Variants in GALNT7 observed in about 807,000 individuals in gnomAD.
The protein encoded by GALNT7 is polypeptide N-acetylgalactosaminyltransferase 7, also known as N-acetylgalactosaminyltransferase 7.
In GALNT7, 60 loss-of-function variants were observed where a neutral mutation model predicts 82.1. The ratio of observed to expected loss-of-function variants is 0.73; its 90% confidence interval spans 0.59 to 0.91. The LOEUF (loss-of-function observed/expected upper bound fraction) is 0.91. GALNT7 is among the 40% of genes least tolerant of loss of function. The pLI, the probability that GALNT7 is intolerant of heterozygous loss-of-function variation, is 0.00. For missense variants in GALNT7, 660 were observed against 804.2 expected (o/e 0.82, Z 2.17); for synonymous variants, 243 against 275.1 (o/e 0.88, Z 1.15).
rs529354258 is a variant in GALNT7, at chr4:173,192,630, G to T, written c.126+23669G>T. Among the ~76,000 whole-genome samples the T allele has an allele frequency of 3.9e-5, 6 of 152,316 alleles. No homozygotes were observed. In the South Asian group the frequency reaches 8.3e-4, roughly 21 times the overall value. On this transcript the variant is annotated intron_variant, in intron 1 of 11. Coordinates refer to ENST00000265000, the MANE Select transcript of GALNT7 (RefSeq NM_017423.3). Reference sequence around the variant, plus strand: ...ATTATCATCGTTGCCTTGAAAGGCTGTAGAAGTAAATTATTGGGAAACCAT... The same window carrying T: ...ATTATCATCGTTGCCTTGAAAGGCTTTAGAAGTAAATTATTGGGAAACCAT...
chr4:173,244,108 C>G (rs1449723572), intron 1 of GALNT7, among the ~76,000 whole-genome samples: 2 of 152,214 alleles, frequency 1.3e-5, no homozygotes, highest in African/African-American at 2.4e-5. Context: ...TACATGGTTA[C>G]TGGAACACAG....
chr4:173,228,405 A>C (rs1733909017), intron 1 of GALNT7, among the ~76,000 whole-genome samples: 1 of 151,598 alleles, frequency 6.6e-6, no homozygotes, highest in Non-Finnish European at 1.5e-5. Context: ...TTATATATAA[A>C]GATTTTCTAC....
At chr4:173,205,622 G>A (rs538894201) in intron 1 of GALNT7, among the ~76,000 whole-genome samples, 1 of 152,250 alleles carries the variant, frequency 6.6e-6, no homozygotes, top group Non-Finnish European at 1.5e-5. Flanking sequence ...CTCAGACCCA[G>A]TCCAATGACA....
chr4:173,216,728 T>TA (rs374031950), intron 1 of GALNT7, among the ~76,000 whole-genome samples: 43 of 8,028 alleles, frequency 5.4e-3, no homozygotes, highest in African/African-American at 0.01. Context: ...TATATATATA[T>TA]TTTTTTTTTT....
intron 2 of GALNT7, among the ~76,000 whole-genome samples, chr4:173,268,930 G>A (rs1372645694): frequency 2.0e-5 from 3 of 152,068 alleles, no homozygotes; most frequent in Non-Finnish European, 4.4e-5. Flanking sequence ...ATTTGTGGAC[G>A]TAGAATCCAC....
At chr4:173,195,092 A>T (rs1732736944) in intron 1 of GALNT7, among the ~76,000 whole-genome samples, 1 of 152,164 alleles carries the variant, frequency 6.6e-6, no homozygotes, top group African/African-American at 2.4e-5. Flanking sequence ...TTATAAAGCC[A>T]TTTGTTTCCT....
intron 8 of GALNT7, among the ~76,000 whole-genome samples, chr4:173,313,272 T>A (rs779002582): frequency 6.6e-6 from 1 of 151,794 alleles, no homozygotes; most frequent in African/African-American, 2.4e-5. Context: ...ACGATTCTAA[T>A]AGAAAGAGAT....
intron 2 of GALNT7, among the ~76,000 whole-genome samples, chr4:173,286,999 GGA>G (rs954035498): frequency 6.6e-6 from 1 of 152,166 alleles, no homozygotes; most frequent in Non-Finnish European, 1.5e-5. Context: ...GGGGGACAGA[GGA>G]GAGTGTTATT....
chr4:173,265,049 C>T (rs1156361306), intron 2 of GALNT7, among the ~76,000 whole-genome samples: 5 of 152,230 alleles, frequency 3.3e-5, no homozygotes, highest in Non-Finnish European at 5.9e-5. Flanking sequence ...ACTTGCGCTT[C>T]ATGTACAAGC....
At chr4:173,185,297 A>G (rs1048529887) in intron 1 of GALNT7, among the ~76,000 whole-genome samples, 4 of 152,170 alleles carry the variant, frequency 2.6e-5, no homozygotes, top group African/African-American at 9.7e-5. Context: ...AGCAGCATGG[A>G]CAGCCCATGT....
At chr4:173,300,323 A>G (rs1736875087) in intron 6 of GALNT7, among the ~76,000 whole-genome samples, 1 of 152,134 alleles carries the variant, frequency 6.6e-6, no homozygotes, top group Non-Finnish European at 1.5e-5. Context: ...AGCCTGGGCA[A>G]CAGAGTGAGA....
intron 1 of GALNT7, among the ~76,000 whole-genome samples, chr4:173,183,642 GC>G (rs1343290961): frequency 6.6e-6 from 1 of 152,136 alleles, no homozygotes; most frequent in Non-Finnish European, 1.5e-5. Flanking sequence ...CGTCATCATG[GC>G]CCGTTCTCAA....
At chr4:173,206,436 G>C (rs1315845798) in intron 1 of GALNT7, among the ~76,000 whole-genome samples, 2 of 152,154 alleles carry the variant, frequency 1.3e-5, no homozygotes, top group African/African-American at 4.8e-5. Context: ...GATGTGTACT[G>C]GAAAGTCCTA....
chr4:173,172,383 A>T (rs947101802), intron 1 of GALNT7, among the ~76,000 whole-genome samples: 5 of 152,292 alleles, frequency 3.3e-5, no homozygotes, highest in Admixed American at 2.0e-4. Context: ...GGCATATACT[A>T]GTTAAAAGCT....
At chr4:173,290,851 C>G (rs1197361136) in intron 2 of GALNT7, among the ~76,000 whole-genome samples, 3 of 152,164 alleles carry the variant, frequency 2.0e-5, no homozygotes, top group East Asian at 1.9e-4. Context: ...AAATTATGCT[C>G]TATTCCAGCT....
rs1419958228 is a variant in GALNT7 at position 173,248,273 on chromosome 4, T to G, written c.420T>G (p.Pro140=). 5.6e-6 allele frequency: 9 copies of G among 1,613,972 alleles called. No individual in the cohort carries two copies. Among genetic ancestry groups the G allele is most frequent in the Non-Finnish European group, 7.6e-6 (9 of 1,179,874 alleles). ...TCGGTAACTTTGAACCCAAAGAACC[T>G]GAGCCTCCTGGAGTGGTTGGTGGCC... ...GILGNFEPKE[P]EPPGVVGGPG... The change falls in exon 2 of 12, where the codon CCT becomes CCG. Residue 140 remains proline, a synonymous_variant. Coordinates refer to ENST00000265000, the MANE Select transcript of GALNT7 (RefSeq NM_017423.3).
chr4:173,202,366 A>C (rs188185252), intron 1 of GALNT7, among the ~76,000 whole-genome samples: 126 of 152,266 alleles, frequency 8.3e-4, no homozygotes, highest in Admixed American at 5.0e-3. Flanking sequence ...GACCACCTAA[A>C]CTTGTAGGAC....
rs869162691 is a variant in GALNT7 at position 173,240,357 on chromosome 4, A to ATTTT, written c.127-7597_127-7594dup. ...GGCAATGGAAAGTGGACACTGGCTA[A>ATTTT]TTTTTTTTTTTTTTTTTTTTTTTTT... On this transcript the variant is annotated intron_variant, in intron 1 of 11. Transcript: ENST00000265000. Among the ~76,000 whole-genome samples the ATTTT allele has an allele frequency of 2.4e-4, 25 of 104,138 alleles. 2 individuals are homozygous for ATTTT. The highest frequency in any genetic ancestry group is 7.3e-4 in the African/African-American group (18 of 24,558). The allele number at this position is 104,138 out of a possible 152,430, so 68.3% of individuals were successfully genotyped here.
chr4:173,232,724 G>T (rs1330034921), intron 1 of GALNT7, among the ~76,000 whole-genome samples: 1 of 152,124 alleles, frequency 6.6e-6, no homozygotes, highest in South Asian at 2.1e-4. Flanking sequence ...GTGTGAGCTT[G>T]TAACATTCCT....
Sources: gnomAD v4.1 joint callset for allele counts (sites outside exome capture counted in the v4.1 genomes callset) on GRCh38, gnomAD v4.1.1 for gene constraint, MANE v1.5 for transcripts, NCBI Gene and HGNC (gene_info 2026-07-23, HGNC 2026-07-21) for gene names.